HHAT: variants seen among roughly 807,000 people sequenced by gnomAD.
The protein encoded by HHAT is hedgehog acyltransferase.
In HHAT, 47 loss-of-function variants were observed where a neutral mutation model predicts 70.8. The observed-to-expected ratio is 0.66, with a 90% confidence interval of 0.53 to 0.85. The LOEUF (loss-of-function observed/expected upper bound fraction) is 0.85, where lower values mean the gene tolerates loss of function less well. HHAT is among the 40% of genes least tolerant of loss of function. HHAT has a pLI of 0.00. For missense variants in HHAT, 609 were observed against 604.8 expected (o/e 1.01, Z -0.07); for synonymous variants, 228 against 247.6 (o/e 0.92, Z 0.74).
intron 8 of HHAT, among the ~76,000 whole-genome samples, chr1:210,491,814 G>T (rs12037995): frequency 0.033 from 5,082 of 152,208 alleles, 360 homozygotes; most frequent in East Asian, 0.31. Context: ...CCAGGGTGGA[G>T]TGCAGTGGCC....
intron 7 of HHAT, among the ~76,000 whole-genome samples, chr1:210,451,827 G>C (rs968426764): frequency 1.3e-5 from 2 of 152,080 alleles, no homozygotes; most frequent in Non-Finnish European, 2.9e-5. Flanking sequence ...GATCTTCCTG[G>C]CTCAGCCTCC....
intron 7 of HHAT, among the ~76,000 whole-genome samples, chr1:210,457,389 G>A (rs917443619): frequency 2.0e-5 from 3 of 152,106 alleles, no homozygotes; most frequent in African/African-American, 7.2e-5. Flanking sequence ...ACAAAAAAAA[G>A]TTAAGCAAAA....
chr1:210,581,946 C>T (rs912649412), intron 9 of HHAT, among the ~76,000 whole-genome samples: 4 of 152,136 alleles, frequency 2.6e-5, no homozygotes, highest in Non-Finnish European at 4.4e-5. Flanking sequence ...ACACACATCA[C>T]ATATCTAGTG....
At chr1:210,646,707 G>A (rs961591822) in intron 11 of HHAT, among the ~76,000 whole-genome samples, 2 of 152,120 alleles carry the variant, frequency 1.3e-5, no homozygotes, top group African/African-American at 4.8e-5. Context: ...TACAGATCTT[G>A]CAGAAATACA....
At chr1:210,668,375 C>A (rs1679367417) in intron 11 of HHAT, among the ~76,000 whole-genome samples, 1 of 152,154 alleles carries the variant, frequency 6.6e-6, no homozygotes, top group Non-Finnish European at 1.5e-5. Context: ...TCCTCAATCC[C>A]CATGGTCATG....
chr1:210,359,914 C>T (rs1017060230), intron 2 of HHAT, among the ~76,000 whole-genome samples: 5 of 152,002 alleles, frequency 3.3e-5, no homozygotes, highest in African/African-American at 4.8e-5. Flanking sequence ...AGACTGATTT[C>T]GGTAATAATA....
intron 6 of HHAT, among the ~76,000 whole-genome samples, chr1:210,414,831 A>C (rs1035464726): frequency 6.6e-6 from 1 of 152,120 alleles, no homozygotes; most frequent in Non-Finnish European, 1.5e-5. Flanking sequence ...TAGCCTGGCC[A>C]ATGTGGAGAA....
Position 210,501,237 on chromosome 1 carries a change from T to G in HHAT, c.1008-11916T>G, listed in dbSNP as rs1044952868. Among the ~76,000 whole-genome samples the G allele has an allele frequency of 3.3e-5, 5 of 152,246 alleles. No individual in the cohort carries two copies. The East Asian group carries it at 7.7e-4, about 23-fold the overall frequency. On this transcript the variant is annotated intron_variant, in intron 8 of 11. Coordinates refer to ENST00000261458, the MANE Select transcript of HHAT (RefSeq NM_018194.6). ...ACTTTAAATATTCATTAAATGGATT[T>G]CTTTGCCATTCTTATTTTGGCCCAT...
At chr1:210,554,661 G>A (rs1573280251) in intron 9 of HHAT, among the ~76,000 whole-genome samples, 2 of 152,206 alleles carry the variant, frequency 1.3e-5, no homozygotes, top group South Asian at 4.2e-4. Context: ...TCAATGAGAA[G>A]GTGCCATCTC....
chr1:210,529,212 C>T (rs566058381), intron 9 of HHAT, among the ~76,000 whole-genome samples: 5 of 150,450 alleles, frequency 3.3e-5, no homozygotes, highest in Admixed American at 6.7e-5. Flanking sequence ...GGTTGAGGCA[C>T]GAGAATTGCT....
At chr1:210,521,793 C>T (rs1053574378) in intron 9 of HHAT, among the ~76,000 whole-genome samples, 2 of 152,088 alleles carry the variant, frequency 1.3e-5, no homozygotes, top group African/African-American at 4.8e-5. Context: ...CCCTTAGGAC[C>T]GTTTAGACCT....
chr1:210,568,517 G>A (rs1463546843), intron 9 of HHAT, among the ~76,000 whole-genome samples: 1 of 152,158 alleles, frequency 6.6e-6, no homozygotes, highest in Non-Finnish European at 1.5e-5. Context: ...AATGCACAAA[G>A]CAAGGAAAGA....
At chr1:210,474,837 C>T (rs1396313476) in intron 8 of HHAT, among the ~76,000 whole-genome samples, 16 of 146,448 alleles carry the variant, frequency 1.1e-4, no homozygotes, top group Admixed American at 2.0e-4. Context: ...TTTTTTTTTC[C>T]GTTTTTTTTG....
intron 8 of HHAT, among the ~76,000 whole-genome samples, chr1:210,483,295 A>G (rs1346880233): frequency 6.6e-6 from 1 of 152,204 alleles, no homozygotes; most frequent in Non-Finnish European, 1.5e-5. Context: ...AAGACAAGCT[A>G]GAGAGCTAGA....
chr1:210,562,870 T>C (rs1416800196), intron 9 of HHAT, among the ~76,000 whole-genome samples: 2 of 143,232 alleles, frequency 1.4e-5, no homozygotes, highest in Non-Finnish European at 3.0e-5. Flanking sequence ...GTGTTCTCAT[T>C]GTTCAATTCC....
At chr1:210,503,744 A>G (rs1354287641) in intron 8 of HHAT, among the ~76,000 whole-genome samples, 1 of 151,824 alleles carries the variant, frequency 6.6e-6, no homozygotes, top group Non-Finnish European at 1.5e-5. Context: ...CATTTCCCCC[A>G]CTCAATGAAG....
rs10489384 is a variant in HHAT, at chr1:210,400,352, C to T, written c.274-116C>T. The T allele has an allele frequency of 9.6e-3, 8,872 of 923,628 alleles. 508 individuals are homozygous for T. In the African/African-American group the frequency reaches 0.13, roughly 13 times the overall value. 57.2% of individuals were successfully genotyped at this position (923,628 alleles called of 1,614,324 possible). A position where few individuals can be genotyped will look rare whatever the true frequency, so the allele number is the denominator to read the frequency against. ...AGAGTTTCTTTATTGGGTAATTAAA[C>T]GTGATCCTCTTACATGTAGAACCTT... On this transcript the variant is annotated intron_variant, in intron 4 of 11. Coordinates refer to ENST00000261458, the MANE Select transcript of HHAT (RefSeq NM_018194.6).
At chr1:210,348,729 A>ATGTGTGTG (rs1224033253) in intron 1 of HHAT, among the ~76,000 whole-genome samples, 4 of 72,264 alleles carry the variant, frequency 5.5e-5, no homozygotes, top group African/African-American at 2.4e-4. Context: ...TGTGTGGTGT[A>ATGTGTGTG]TGTGTGCGTG....
rs564971300 is a variant in HHAT, at chr1:210,669,129, C to T, written c.1391-5159C>T. 5.9e-5 allele frequency among the ~76,000 whole-genome samples: 9 copies of T among 152,276 alleles called. No individual in the cohort carries two copies. The East Asian group carries it at 1.5e-3, about 26-fold the overall frequency. ...GGACCTGCTTCTTGTTCTGATTATCCTTTCTCTTTTCAGAAAACATACCCT... is the reference window on the plus strand; with the variant it reads ...GGACCTGCTTCTTGTTCTGATTATCTTTTCTCTTTTCAGAAAACATACCCT... On this transcript the variant is annotated intron_variant, in intron 11 of 11. Transcript: ENST00000261458.
Sources: allele counts gnomAD v4.1 joint callset (sites outside exome capture counted in the v4.1 genomes callset), GRCh38; gene constraint gnomAD v4.1.1; transcripts MANE v1.5; gene names NCBI Gene and HGNC (gene_info 2026-07-23, HGNC 2026-07-21).